The following GAS6 variants were observed in gnomAD, a reference collection of about 807,000 sequenced individuals.
GAS6 encodes growth arrest-specific protein 6.
In GAS6, 41 loss-of-function variants were observed where a neutral mutation model predicts 75.8. That is an observed-to-expected ratio of 0.54 (90% CI 0.42 to 0.70). GAS6 has a LOEUF of 0.70. GAS6 is among the 30% of genes least tolerant of loss of function. The pLI is 0.00. For synonymous variants in GAS6, 432 were observed against 412.6 expected (o/e 1.05, Z -0.57); for missense variants, 854 against 940.2 (o/e 0.91, Z 1.20).
chr13:113,860,281 A>G (rs1351603269), intron 2 of GAS6, among the ~76,000 whole-genome samples: 1 of 152,232 alleles, frequency 6.6e-6, no homozygotes, highest in Non-Finnish European at 1.5e-5. Flanking sequence ...GAAGGCCACC[A>G]GCCCTCGGTG....
chr13:113,855,504 G>A (rs576397684), intron 2 of GAS6, among the ~76,000 whole-genome samples: 5 of 152,272 alleles, frequency 3.3e-5, no homozygotes, highest in South Asian at 2.1e-4. Context: ...CCGGATCCAC[G>A]GGGAGCTGCT....
chr13:113,855,645 G>A (rs962534577), intron 2 of GAS6, among the ~76,000 whole-genome samples: 4 of 152,264 alleles, frequency 2.6e-5, no homozygotes, highest in South Asian at 2.1e-4. Context: ...TGCCACTGCC[G>A]CTTCTGCGCC....
intron 2 of GAS6, among the ~76,000 whole-genome samples, chr13:113,852,972 G>A (rs551503147): frequency 5.3e-5 from 8 of 152,190 alleles, no homozygotes; most frequent in Non-Finnish European, 1.2e-4. Flanking sequence ...CACGTGAAGA[G>A]ACCCTCCAAG....
intron 11 of GAS6, among the ~76,000 whole-genome samples, chr13:113,828,188 C>T (rs192117739): frequency 0.013 from 2,032 of 152,114 alleles, 50 homozygotes; most frequent in African/African-American, 0.047. Flanking sequence ...GGCGTGAACC[C>T]GGGAGGCGGA....
At chr13:113,840,077 G>T (rs2051760274) in intron 4 of GAS6, 5 of 567,444 alleles carry the variant, frequency 8.8e-6, no homozygotes, top group Non-Finnish European at 1.5e-5. Flanking sequence ...AGATCAACTG[G>T]GAGGGAGTGC....
At position 113,823,375 on chromosome 13, in the gene GAS6, C is replaced by T; in HGVS notation, c.1653G>A (p.Gln551=). The change falls in exon 13 of 15, where the codon CAG becomes CAA. Residue 551 remains glutamine, a splice_region_variant and synonymous_variant. Coordinates refer to ENST00000327773, the MANE Select transcript of GAS6 (RefSeq NM_000820.4). Reference sequence around the variant, plus strand: ...ACGCCCTGGGTGGCGGAGGCCCTACCTGCTTCTTGAGTTTCTTCGTGGAGT... The same window carrying T: ...ACGCCCTGGGTGGCGGAGGCCCTACTTGCTTCTTGAGTTTCTTCGTGGAGT... ...DYHSTKKLKK[Q]LVVLAVEHTA... is the part of the protein sequence containing the mutation. 6.2e-7 allele frequency: 1 copy of T among 1,608,356 alleles called. No homozygotes were observed. The highest frequency in any genetic ancestry group is 8.5e-7 in the Non-Finnish European group (1 of 1,177,136).
At chr13:113,838,502 G>A (rs1200633647) in intron 5 of GAS6, among the ~76,000 whole-genome samples, 1 of 130,276 alleles carries the variant, frequency 7.7e-6, no homozygotes, top group Non-Finnish European at 1.6e-5. Flanking sequence ...AGGGGACCCC[G>A]GGGGTGCACA....
At chr13:113,827,205 G>A (rs770322037) in intron 11 of GAS6, 41 bp from the exon 12 acceptor site, 10 of 1,600,586 alleles carry the variant, frequency 6.2e-6, no homozygotes, top group South Asian at 3.3e-5. Context: ...CTGGGAGCGA[G>A]AAGCCCCATG....
intron 2 of GAS6, among the ~76,000 whole-genome samples, chr13:113,852,804 C>T (rs1051514587): frequency 1.3e-5 from 2 of 152,238 alleles, no homozygotes; most frequent in Non-Finnish European, 2.9e-5. Flanking sequence ...GTAGCCTGGC[C>T]ACCCATGCGG....
At chr13:113,839,363 AGGTCTGC>A in intron 5 of GAS6, 1 of 206,916 alleles carries the variant, frequency 4.8e-6, no homozygotes, top group Non-Finnish European at 9.4e-6. Context: ...CTGACACCAC[AGGTCTGC>A]ACTCAAGGAC....
intron 11 of GAS6, among the ~76,000 whole-genome samples, chr13:113,827,686 C>A (rs11259840): frequency 0.34 from 51,531 of 151,596 alleles, 10,788 homozygotes; most frequent in African/African-American, 0.61. Flanking sequence ...GTGGCTTCAG[C>A]ACAGGCACTG....
At chr13:113,862,711 C>G (rs2051982009) in intron 2 of GAS6, among the ~76,000 whole-genome samples, 1 of 152,176 alleles carries the variant, frequency 6.6e-6, no homozygotes, top group Non-Finnish European at 1.5e-5. Context: ...AAACAGGCCT[C>G]CATGGTTCAT....
rs754177737 is a variant in GAS6, at chr13:113,838,166, G to A, written c.492C>T (p.Asn164=). 1.6e-5 allele frequency: 26 copies of A among 1,612,732 alleles called. No homozygotes were observed. The highest frequency in any genetic ancestry group is 4.0e-5 in the African/African-American group (3 of 74,924). The change falls in exon 6 of 15, where the codon AAC becomes AAT. Residue 164 remains asparagine (N), a synonymous_variant. Coordinates refer to ENST00000327773, the MANE Select transcript of GAS6 (RefSeq NM_000820.4). ...TGTGGCAGATCTGGAGGCAGCCCCCGTTCTCCTGGCTGCATTCGTTGACAT... is the reference window on the plus strand; with the variant it reads ...TGTGGCAGATCTGGAGGCAGCCCCCATTCTCCTGGCTGCATTCGTTGACAT... The part of the protein sequence containing the change: ...DKDVNECSQE[N]GGCLQICHNK...
intron 8 of GAS6, 23 bp from the exon 9 acceptor site, chr13:113,832,775 C>T (rs147601449): frequency 5.3e-4 from 847 of 1,612,168 alleles, no homozygotes; most frequent in Non-Finnish European, 6.8e-4. Flanking sequence ...GGGGCCACGC[C>T]GGTCGGGGAT....
chr13:113,857,973 G>A (rs951741676), intron 2 of GAS6, among the ~76,000 whole-genome samples: 18 of 152,348 alleles, frequency 1.2e-4, no homozygotes, highest in South Asian at 4.1e-4. Context: ...AGAGGAGGCC[G>A]GGCCGGGGTC....
chr13:113,823,285 C>T lies in GAS6; in HGVS notation c.1653+90G>A, dbSNP rs527335627. 1.7e-3 allele frequency: 2,339 copies of T among 1,382,806 alleles called. 7 individuals are homozygous for T. The highest frequency in any genetic ancestry group is 2.0e-3 in the Non-Finnish European group (2,059 of 1,028,830). 85.7% of individuals were successfully genotyped at this position (1,382,806 alleles called of 1,614,324 possible). ...CTTTGGGGGTCCCTGGGGATCCCAC[C>T]GCGGGCCCCCTTCGTCCCCTGCCAG... is the stretch of plus-strand genomic sequence containing the variant. On this transcript the variant is annotated intron_variant, in intron 13 of 14. Coordinates refer to ENST00000327773, the MANE Select transcript of GAS6 (RefSeq NM_000820.4).
chr13:113,859,434 T>C (rs1265952123), intron 2 of GAS6, among the ~76,000 whole-genome samples: 12 of 150,976 alleles, frequency 7.9e-5, no homozygotes, highest in Admixed American at 7.9e-4. Flanking sequence ...TGTGCATGTC[T>C]GGACAGTGTG....
Position 113,827,027 on chromosome 13 carries a change from C to T in GAS6, c.1446G>A (p.Gly482=). ...SVTERGSFYP[G]SGFAFYSLDY... ...CCAGGCTGTAGAAGGCGAAGCCGCTCCCGGGGTAGAAAGAGCCTCTCTCCG... is the reference window on the plus strand; with the variant it reads ...CCAGGCTGTAGAAGGCGAAGCCGCTTCCGGGGTAGAAAGAGCCTCTCTCCG... Residue 482 remains glycine (G), a synonymous_variant, in exon 12 of 15, where the codon GGG becomes GGA. Coordinates refer to ENST00000327773, the MANE Select transcript of GAS6 (RefSeq NM_000820.4). 1 of 1,613,316 alleles carries T rather than the reference C, an allele frequency of 6.2e-7. No homozygotes were observed. Among genetic ancestry groups the T allele is most frequent in the Non-Finnish European group, 8.5e-7 (1 of 1,179,964 alleles).
At chr13:113,843,610 GGT>G (rs990260490) in intron 4 of GAS6, 1 of 151,384 alleles carries the variant, frequency 6.6e-6, no homozygotes, top group African/African-American at 2.5e-5. Flanking sequence ...GGAGAAGCTG[GGT>G]GTGTCCGTGG....
Sources: allele counts gnomAD v4.1 joint callset (sites outside exome capture counted in the v4.1 genomes callset), GRCh38; gene constraint gnomAD v4.1.1; transcripts MANE v1.5; gene names NCBI Gene and HGNC (gene_info 2026-07-23, HGNC 2026-07-21).